IL15: variants seen among roughly 807,000 people sequenced by gnomAD.
IL15 encodes interleukin 15, also known as interleukin-15.
A neutral mutation model predicts 19.6 loss-of-function variants in IL15; 11 were observed. That is an observed-to-expected ratio of 0.56 (90% CI 0.35 to 0.93). The LOEUF (loss-of-function observed/expected upper bound fraction) is 0.93, where lower values mean the gene tolerates loss of function less well. Among genes scored for constraint, IL15 ranks in the 40% least tolerant of loss-of-function variants. The pLI is 0.01. For synonymous variants in IL15, 58 were observed against 59.6 expected, an observed-to-expected ratio of 0.97 and a Z score of 0.12; for missense variants, 197 against 186.5, an observed-to-expected ratio of 1.06 and a Z score of -0.33.
chr4:141,662,708 C>A (rs540690185), intron 2 of IL15, among the ~76,000 whole-genome samples: 111 of 152,140 alleles, frequency 7.3e-4, no homozygotes, highest in African/African-American at 2.6e-3. Context: ...TATTCATCAA[C>A]CTATTTTTTT....
At chr4:141,672,706 C>T (rs1361236608) in intron 2 of IL15, among the ~76,000 whole-genome samples, 2 of 152,122 alleles carry the variant, frequency 1.3e-5, no homozygotes, top group Admixed American at 6.5e-5. Context: ...ACTTTAAATA[C>T]GTAAAAGCAT....
At position 141,733,362 on chromosome 4, in the gene IL15, A is replaced by G. The variant is rs1296862109; in HGVS notation, c.*514A>G. On this transcript the variant is annotated 3_prime_UTR_variant, in exon 8 of 8. Coordinates refer to ENST00000320650, the MANE Select transcript of IL15 (RefSeq NM_000585.5). ...AGGAAGAATTTGTTATCAGTAAGAA[A>G]AAGAAGAACTATATGTGAATCCTCT... 2 of 152,526 alleles carry G rather than the reference A, an allele frequency of 1.3e-5. No homozygotes were observed. Among genetic ancestry groups the G allele is most frequent in the African/African-American group, 2.4e-5 (1 of 41,470 alleles). 9.4% of individuals were successfully genotyped at this position (152,526 alleles called of 1,614,324 possible). A position where few individuals can be genotyped will look rare whatever the true frequency, so the allele number is the denominator to read the frequency against.
At chr4:141,669,191 C>T (rs1482539771) in intron 2 of IL15, among the ~76,000 whole-genome samples, 1 of 152,082 alleles carries the variant, frequency 6.6e-6, no homozygotes, top group African/African-American at 2.4e-5. Context: ...TATTTGGTAT[C>T]TGTTAGCTAA....
chr4:141,646,380 T>A (rs1727225037), intron 1 of IL15, among the ~76,000 whole-genome samples: 1 of 152,092 alleles, frequency 6.6e-6, no homozygotes, highest in South Asian at 2.1e-4. Flanking sequence ...CATACTACTA[T>A]GTTCTTGTCT....
At chr4:141,731,666 G>A (rs762733616) in intron 7 of IL15, among the ~76,000 whole-genome samples, 14 of 152,176 alleles carry the variant, frequency 9.2e-5, no homozygotes, top group Non-Finnish European at 1.8e-4. Flanking sequence ...GTTGAGATGA[G>A]TCAATATCTC....
chr4:141,725,752 A>C lies in IL15; in HGVS notation c.196-2188A>C, dbSNP rs945568544. Among the ~76,000 whole-genome samples, 4 of 152,314 alleles carry C rather than the reference A, an allele frequency of 2.6e-5. No homozygotes were observed. In the East Asian group the frequency reaches 7.7e-4, roughly 29 times the overall value. ...TTTCTGCTAGGACTGGAAACTAAGC[A>C]GGGATATCTTCTCTCACCACTTTTA... On this transcript the variant is annotated intron_variant, in intron 5 of 7. Transcript: ENST00000320650.
intron 1 of IL15, among the ~76,000 whole-genome samples, chr4:141,644,917 G>T (rs17007473): frequency 0.023 from 3,510 of 152,222 alleles, 63 homozygotes; most frequent in Non-Finnish European, 0.031. Flanking sequence ...GTTTAAATTT[G>T]TTCCCTAGGA....
intron 2 of IL15, among the ~76,000 whole-genome samples, chr4:141,689,399 G>T (rs182653433): frequency 1.3e-5 from 2 of 152,088 alleles, no homozygotes; most frequent in African/African-American, 4.8e-5. Context: ...GGTTCTCCAC[G>T]TCCCCACCAG....
chr4:141,702,487 G>T (rs1255489273), intron 2 of IL15, among the ~76,000 whole-genome samples: 2 of 152,158 alleles, frequency 1.3e-5, no homozygotes, highest in Non-Finnish European at 2.9e-5. Context: ...GAGATTCCTT[G>T]GTTGTCAATA....
At chr4:141,716,278 T>A (rs556115818) in intron 2 of IL15, 1 of 152,414 alleles carries the variant, frequency 6.6e-6, no homozygotes, top group African/African-American at 2.4e-5. Context: ...AGTTCTAGGA[T>A]GGCAGAATGG....
intron 7 of IL15, among the ~76,000 whole-genome samples, chr4:141,730,396 A>T (rs545633895): frequency 2.6e-5 from 4 of 152,302 alleles, no homozygotes; most frequent in South Asian, 2.1e-4. Context: ...CTTTAAATTG[A>T]TAATTCATTT....
chr4:141,688,540 C>G (rs955446807), intron 2 of IL15, among the ~76,000 whole-genome samples: 4 of 152,084 alleles, frequency 2.6e-5, no homozygotes, highest in Admixed American at 1.3e-4. Context: ...CAATTAGAAG[C>G]CTTTCACTGA....
At chr4:141,685,203 C>G (rs1405219748) in intron 2 of IL15, among the ~76,000 whole-genome samples, 3 of 152,030 alleles carry the variant, frequency 2.0e-5, no homozygotes, top group Non-Finnish European at 2.9e-5. Context: ...CTAGGACCCC[C>G]CTAGAGAATT....
chr4:141,691,732 G>C (rs997909276), intron 2 of IL15, among the ~76,000 whole-genome samples: 1 of 152,118 alleles, frequency 6.6e-6, no homozygotes, highest in Non-Finnish European at 1.5e-5. Context: ...CAAGACCTTG[G>C]GCATCCCTAC....
intron 2 of IL15, among the ~76,000 whole-genome samples, chr4:141,666,081 A>ATTAATTATTTATTTATTTAT (rs1553987606): frequency 7.0e-6 from 1 of 143,358 alleles, no homozygotes; most frequent in African/African-American, 2.5e-5. Flanking sequence ...CTTTTTATTT[A>ATTAATTATTTATTTATTTAT]TTATTTATTT....
intron 1 of IL15, among the ~76,000 whole-genome samples, chr4:141,648,303 C>T (rs1043078201): frequency 1.3e-5 from 2 of 151,852 alleles, no homozygotes; most frequent in African/African-American, 2.4e-5. Flanking sequence ...AAAACAAATA[C>T]GTTTGTTTAA....
intron 2 of IL15, among the ~76,000 whole-genome samples, chr4:141,689,337 G>T (rs1728828527): frequency 6.6e-6 from 1 of 152,180 alleles, no homozygotes; most frequent in Non-Finnish European, 1.5e-5. Context: ...TGAGTGGTCT[G>T]TTTTGACAGG....
chr4:141,644,808 T>C (rs1237704114), intron 1 of IL15, among the ~76,000 whole-genome samples: 1 of 152,034 alleles, frequency 6.6e-6, no homozygotes, highest in Non-Finnish European at 1.5e-5. Flanking sequence ...AACAAGACAA[T>C]AGAAGGCATA....
At chr4:141,697,505 T>C (rs1031002014) in intron 2 of IL15, among the ~76,000 whole-genome samples, 7 of 152,094 alleles carry the variant, frequency 4.6e-5, no homozygotes, top group Admixed American at 6.6e-5. Context: ...TCCTTTTTGG[T>C]TCCATATGAA....
Sources: allele counts gnomAD v4.1 joint callset (sites outside exome capture counted in the v4.1 genomes callset), GRCh38; gene constraint gnomAD v4.1.1; transcripts MANE v1.5; gene names NCBI Gene and HGNC (gene_info 2026-07-23, HGNC 2026-07-21).